The following FLNA variants were observed in gnomAD, a reference collection of about 807,000 sequenced individuals.
The protein encoded by FLNA is filamin A.
Under a neutral mutation model 157.6 loss-of-function variants are expected in FLNA, and 7 were observed. The observed-to-expected ratio is 0.04, with a 90% CI of 0.03 to 0.08. The LOEUF is 0.08. FLNA is among the 10% of genes least tolerant of loss of function. The pLI is 1.00. For missense variants in FLNA, 1,750 were observed against 2,398.4 expected, an observed-to-expected ratio of 0.73 and a Z score of 5.65; for synonymous variants, 1,103 against 1,060.8, an observed-to-expected ratio of 1.04 and a Z score of -0.77.
At chrX:154,361,025 C>T (rs782591327) in intron 21 of FLNA, among the ~76,000 whole-genome samples, 10 of 64,945 alleles carry the variant, frequency 1.5e-4, no homozygotes, top group Admixed American at 7.6e-4. Context: ...CCAGCCTGGG[C>T]GACAGAGTGA....
chrX:154,364,119 T>C lies in FLNA; in HGVS notation c.2183A>G (p.Asn728Ser), dbSNP rs375038091. ...CACGTAGGAGCAGCTGTAAGTGCCATTGCCGTTGTCCTTGACCAACGCCTC... is the reference window on the plus strand; with the variant it reads ...CACGTAGGAGCAGCTGTAAGTGCCACTGCCGTTGTCCTTGACCAACGCCTC... ...PVEALVKDNGNGTYSCSYVPR... is the reference protein window; with the variant it reads ...PVEALVKDNGSGTYSCSYVPR... Residue 728 changes from asparagine (N) to serine (S), a missense_variant, in exon 15 of 48, where the codon AAT (asparagine) becomes AGT (serine). Around this residue, in one of 5 missense-constraint regions of FLNA, gnomAD observed 648 missense variants for 805.8 expected, o/e 0.80. Transcript: ENST00000369850. 28 of 1,209,358 alleles carry C rather than the reference T, an allele frequency of 2.3e-5. No homozygotes were observed. The African/African-American group carries it at 2.4e-4, about 11-fold the overall frequency.
Position 154,348,551 on chromosome X carries a change from T to C in FLNA, c.*298A>G. On this transcript the variant is annotated 3_prime_UTR_variant, in exon 48 of 48. Transcript: ENST00000369850. ...AAGGAGAATGGAAGCAAAACTTTATTCCTCTTGGCTGGAGAAGAGAACTAG... is the reference window on the plus strand; with the variant it reads ...AAGGAGAATGGAAGCAAAACTTTATCCCTCTTGGCTGGAGAAGAGAACTAG... 1 of 315,687 alleles carries C rather than the reference T, an allele frequency of 3.2e-6. No homozygotes were observed. The highest frequency in any genetic ancestry group is 5.5e-6 in the Non-Finnish European group (1 of 180,795). The allele number at this position is 315,687 out of a possible 1,213,427, so 26.0% of individuals were successfully genotyped here. A position where few individuals can be genotyped will look rare whatever the true frequency, so the allele number is the denominator to read the frequency against.
At chrX:154,352,059 C>T in intron 41 of FLNA, 38 bp from the exon 42 acceptor site, 1 of 1,210,425 alleles carries the variant, frequency 8.3e-7, no homozygotes. Flanking sequence ...AAGGCTGCTT[C>T]ACCAGCCTCG....
intron 1 of FLNA, among the ~76,000 whole-genome samples, chrX:154,372,775 A>G (rs2067818019): frequency 9.4e-6 from 1 of 106,604 alleles, no homozygotes. Context: ...CTCCTGTTCA[A>G]TTCTAGTAAT....
chrX:154,370,227 T>C (rs1025814624), intron 2 of FLNA, among the ~76,000 whole-genome samples: 1 of 112,603 alleles, frequency 8.9e-6, no homozygotes, highest in South Asian at 3.6e-4. Flanking sequence ...GGCGTCCAAG[T>C]AGTCTACAAG....
At position 154,371,064 on chromosome X, in the gene FLNA, C is replaced by G; in HGVS notation, c.182G>C (p.Ser61Thr). 5.0e-6 allele frequency: 6 copies of G among 1,205,457 alleles called. No homozygotes were observed. The highest frequency in any genetic ancestry group is 6.7e-6 in the Non-Finnish European group (6 of 892,143). ...CGTCTGCAGGTTGGCGATGCGCTTG[C>G]TCACGCACTTCAGGTGCTCGTTGCA... Reference protein sequence around the residue: ...RWCNEHLKCVSKRIANLQTDL... With the variant: ...RWCNEHLKCVTKRIANLQTDL... Residue 61 changes from serine to threonine, a missense_variant, in exon 2 of 48, where the codon AGC (serine) becomes ACC (threonine). Physicochemically the swap from Ser to Thr is moderately conservative, Grantham distance 58. Coordinates refer to ENST00000369850, the MANE Select transcript of FLNA (RefSeq NM_001110556.2).
chrX:154,368,975 GCTGGGCT>G (rs1457106613), intron 2 of FLNA, among the ~76,000 whole-genome samples: 1 of 113,252 alleles, frequency 8.8e-6, no homozygotes, highest in African/African-American at 3.2e-5. Context: ...TGGCAACCCT[GCTGGGCT>G]CTGGGCCCCA....
chrX:154,357,348 G>A (rs1437271416), intron 29 of FLNA, 74 bp from the exon 30 acceptor site: 25 of 1,191,123 alleles, frequency 2.1e-5, no homozygotes, highest in Non-Finnish European at 2.7e-5. Context: ...ACTCCCACAC[G>A]CCGCCCCAAG....
At chrX:154,370,362 A>T (rs2067795757) in intron 2 of FLNA, among the ~76,000 whole-genome samples, 1 of 111,895 alleles carries the variant, frequency 8.9e-6, no homozygotes, top group African/African-American at 3.3e-5. Context: ...GGTTGGAGCC[A>T]TCTCCGATGG....
intron 21 of FLNA, among the ~76,000 whole-genome samples, chrX:154,361,046 CAAAAAAAAAAAAAAAAAAAAA>C (rs59672916): frequency 1.0e-4 from 2 of 19,981 alleles, no homozygotes; most frequent in African/African-American, 2.0e-4. Flanking sequence ...GACTCTTTCT[CAAAAAAAAAAAAAAAAAAAAA>C]AAAAAAAAAA....
At chrX:154,350,719 C>T in intron 44 of FLNA, 190 bp downstream of exon 44, 2 of 488,290 alleles carry the variant, frequency 4.1e-6, no homozygotes, top group South Asian at 5.6e-5. Flanking sequence ...GAAGGCCTTC[C>T]TAATAGCTGT....
chrX:154,366,648 G>A lies in FLNA; in HGVS notation c.988-9C>T, dbSNP rs978710698. 1 of 1,210,285 alleles carries A rather than the reference G, an allele frequency of 8.3e-7. No homozygotes were observed. On this transcript the variant is annotated splice_polypyrimidine_tract_variant and intron_variant, in intron 6 of 47. Transcript: ENST00000369850. ...TTGGCGGTCACTTTTGCCTGCAGTG[G>A]GAAGGAGCCTGTGAGCCTTTGCTAA...
At position 154,362,401 on chromosome X, in the gene FLNA, A is replaced by G; in HGVS notation, c.2565+17T>C. 3 of 1,211,305 alleles carry G rather than the reference A, an allele frequency of 2.5e-6. No individual in the cohort carries two copies. Among genetic ancestry groups the G allele is most frequent in the Middle Eastern group, 2.3e-4 (1 of 4,347 alleles). On this transcript the variant is annotated intron_variant, in intron 17 of 47. Coordinates refer to ENST00000369850, the MANE Select transcript of FLNA (RefSeq NM_001110556.2). The stretch of plus-strand genomic sequence containing the variant: ...CATCCGCAATGACATCTTAGCGGCC[A>G]GGAGCGCAGCACCCACCTGGTCAGC...
At chrX:154,357,314 G>T (rs782238193) in intron 29 of FLNA, 40 bp from the exon 30 acceptor site, 1 of 1,205,234 alleles carries the variant, frequency 8.3e-7, no homozygotes, top group Non-Finnish European at 1.1e-6. Flanking sequence ...AAGGTCAGGT[G>T]AGTCACTCAA....
intron 45 of FLNA, 32 bp from the exon 46 acceptor site, chrX:154,349,899 C>A (rs2067606001): frequency 1.7e-6 from 2 of 1,190,395 alleles, no homozygotes; most frequent in South Asian, 3.5e-5. Flanking sequence ...CAGAGCCAGA[C>A]TGGCCTGCCT....
intron 47 of FLNA, 75 bp downstream of exon 47, chrX:154,349,287 T>C (rs1340987125): frequency 1.1e-5 from 12 of 1,078,878 alleles, no homozygotes; most frequent in Non-Finnish European, 1.5e-5. Flanking sequence ...GTCCCTGCTC[T>C]CCCAGACACT....
intron 11 of FLNA, 67 bp downstream of exon 11, chrX:154,365,069 G>T: frequency 1.7e-6 from 2 of 1,205,922 alleles, no homozygotes; most frequent in East Asian, 3.0e-5. Flanking sequence ...ATCATCAGGT[G>T]GGGAGGCAGA....
At chrX:154,353,757 C>T in intron 35 of FLNA, 30 bp from the exon 36 acceptor site, 3 of 1,203,078 alleles carry the variant, frequency 2.5e-6, no homozygotes, top group Non-Finnish European at 3.4e-6. Flanking sequence ...AGCATGGGAA[C>T]TATGCTGGGG....
At chrX:154,349,141 T>C (rs1452939338) in intron 47 of FLNA, 105 bp from the exon 48 acceptor site, 1 of 903,461 alleles carries the variant, frequency 1.1e-6, no homozygotes, top group African/African-American at 2.0e-5. Context: ...GACAGTTCTC[T>C]CTTCCTAAAG....
Sources: allele counts gnomAD v4.1 joint callset (sites outside exome capture counted in the v4.1 genomes callset), GRCh38; gene constraint gnomAD v4.1.1; regional missense constraint gnomAD v4.1.1; transcripts MANE v1.5; gene names NCBI Gene and HGNC (gene_info 2026-07-23, HGNC 2026-07-21).